The following SRGAP1 variants were observed in gnomAD, a reference collection of about 807,000 sequenced individuals.
SRGAP1 encodes the protein SLIT-ROBO Rho GTPase activating protein 1, also known as SLIT-ROBO Rho GTPase-activating protein 1.
SRGAP1 carries 43 observed loss-of-function variants against 121.9 expected under a neutral mutation model. The observed-to-expected ratio is 0.35, with a 90% confidence interval of 0.28 to 0.46. SRGAP1 has a LOEUF of 0.46. SRGAP1 is among the 20% of genes least tolerant of loss of function. The probability of loss-of-function intolerance (pLI) is 1.00; values close to 1 mark genes in which losing one functional copy is unlikely to be tolerated. For missense variants in SRGAP1, 1,102 were observed against 1,350.9 expected (o/e 0.82, Z 2.89); for synonymous variants, 447 against 485.4 (o/e 0.92, Z 1.04).
intron 1 of SRGAP1, among the ~76,000 whole-genome samples, chr12:63,959,021 C>A (rs1208769971): frequency 1.3e-5 from 2 of 152,058 alleles, no homozygotes; most frequent in Non-Finnish European, 2.9e-5. Context: ...TTCAGTTCAT[C>A]AATTACAGGA....
chr12:63,972,701 A>G (rs1247055238), intron 1 of SRGAP1, among the ~76,000 whole-genome samples: 1 of 152,254 alleles, frequency 6.6e-6, no homozygotes, highest in Non-Finnish European at 1.5e-5. Context: ...CATAATAGCA[A>G]TAGTACAATA....
At position 64,062,916 on chromosome 12, in the gene SRGAP1, G is replaced by A; in HGVS notation, c.802-1G>A. The A allele has an allele frequency of 6.2e-7, 1 of 1,605,284 alleles. No individual in the cohort carries two copies. Among genetic ancestry groups the A allele is most frequent in the Non-Finnish European group, 8.5e-7 (1 of 1,175,502 alleles). On this transcript the variant is annotated splice_acceptor_variant, in intron 6 of 21. Coordinates refer to ENST00000355086, the MANE Select transcript of SRGAP1 (RefSeq NM_020762.4). LOFTEE classifies it high-confidence loss of function. ...TATGTGGTGTTCTTTTACTTTTTAA[G>A]TGCTGTGATCTTGGCTACCATGCAA...
At chr12:64,062,631 C>T (rs973233280) in intron 6 of SRGAP1, among the ~76,000 whole-genome samples, 3 of 152,112 alleles carry the variant, frequency 2.0e-5, no homozygotes, top group African/African-American at 7.2e-5. Flanking sequence ...ATTCTTGTGG[C>T]TCAGCCTCCT....
At chr12:64,037,620 T>A (rs553773701) in intron 4 of SRGAP1, among the ~76,000 whole-genome samples, 3 of 152,354 alleles carry the variant, frequency 2.0e-5, no homozygotes, top group Admixed American at 2.0e-4. Flanking sequence ...AACCATCTAC[T>A]TTCCAAGTTC....
intron 4 of SRGAP1, among the ~76,000 whole-genome samples, chr12:64,030,069 A>G (rs1290403221): frequency 6.6e-6 from 1 of 152,210 alleles, no homozygotes; most frequent in Non-Finnish European, 1.5e-5. Context: ...AATAGCATTT[A>G]TTTCATGTCG....
chr12:64,150,056 A>G lies in SRGAP1; in HGVS notation c.*7384A>G, dbSNP rs2037100752. ...AAATAGAAAACTTGCCTTCTATAATAAAAACAAAATAGTTTTTCTATCAAG... is the reference window on the plus strand; with the variant it reads ...AAATAGAAAACTTGCCTTCTATAATGAAAACAAAATAGTTTTTCTATCAAG... On this transcript the variant is annotated 3_prime_UTR_variant, in exon 22 of 22. Coordinates refer to ENST00000355086, the MANE Select transcript of SRGAP1 (RefSeq NM_020762.4). The G allele has an allele frequency of 6.6e-6, 1 of 152,170 alleles. No homozygotes were observed. Among genetic ancestry groups the G allele is most frequent in the Admixed American group, 6.5e-5 (1 of 15,280 alleles). The allele number at this position is 152,170 out of a possible 1,614,324, so 9.4% of individuals were successfully genotyped here. A position where few individuals can be genotyped will look rare whatever the true frequency, so the allele number is the denominator to read the frequency against.
chr12:64,125,860 C>A, intron 18 of SRGAP1, 117 bp from the exon 19 acceptor site: 1 of 955,004 alleles, frequency 1.0e-6, no homozygotes, highest in Non-Finnish European at 1.5e-6. Context: ...TGACTCTGTT[C>A]AGTCTAGATA....
Position 64,159,958 on chromosome 12 carries a change from G to T in SRGAP1, c.*17286G>T, listed in dbSNP as rs1385520071. 6.6e-6 allele frequency: 1 copy of T among 152,006 alleles called. No homozygotes were observed. The highest frequency in any genetic ancestry group is 1.5e-5 in the Non-Finnish European group (1 of 67,996). 9.4% of individuals were successfully genotyped at this position (152,006 alleles called of 1,614,324 possible). A position where few individuals can be genotyped will look rare whatever the true frequency, so the allele number is the denominator to read the frequency against. On this transcript the variant is annotated 3_prime_UTR_variant, in exon 22 of 22. Coordinates refer to ENST00000355086, the MANE Select transcript of SRGAP1 (RefSeq NM_020762.4). ...TTTCCTTTCTTTTTTCTTTTCCCTG[G>T]AGTTCATAATTACCTTTGTTTCATT... is the stretch of plus-strand genomic sequence containing the variant.
intron 1 of SRGAP1, among the ~76,000 whole-genome samples, chr12:63,978,569 GTGTGGCTATATCACAT>G (rs1304015583): frequency 6.6e-6 from 1 of 152,160 alleles, no homozygotes; most frequent in Non-Finnish European, 1.5e-5. Context: ...GTATTGTGTT[GTGTGGCTATATCACAT>G]TTTATCTCTT....
chr12:64,087,072 T>G, intron 11 of SRGAP1, 46 bp downstream of exon 11: 1 of 1,429,878 alleles, frequency 7.0e-7, no homozygotes, highest in Non-Finnish European at 9.7e-7. Context: ...TTACTTTCTC[T>G]TTAACAAGAA....
chr12:63,849,098 T>C (rs1363672519), intron 1 of SRGAP1, among the ~76,000 whole-genome samples: 2 of 152,230 alleles, frequency 1.3e-5, no homozygotes, highest in African/African-American at 2.4e-5. Context: ...CTTGGTCAAA[T>C]TCTCAAAGAC....
intron 8 of SRGAP1, among the ~76,000 whole-genome samples, chr12:64,073,228 G>C (rs2035674377): frequency 6.6e-6 from 1 of 152,052 alleles, no homozygotes; most frequent in African/African-American, 2.4e-5. Context: ...CTTTATTCCT[G>C]ATACTTCCAA....
chr12:63,945,351 G>T (rs2032010731), intron 1 of SRGAP1, among the ~76,000 whole-genome samples: 1 of 151,598 alleles, frequency 6.6e-6, no homozygotes, highest in Non-Finnish European at 1.5e-5. Context: ...ATGCCATAAT[G>T]GTTTGCTGCA....
At chr12:63,954,595 G>A (rs1177544408) in intron 1 of SRGAP1, among the ~76,000 whole-genome samples, 1 of 151,076 alleles carries the variant, frequency 6.6e-6, no homozygotes, top group Non-Finnish European at 1.5e-5. Flanking sequence ...GGAGAATGGC[G>A]TGAACCCGGG....
intron 19 of SRGAP1, among the ~76,000 whole-genome samples, chr12:64,126,427 T>C (rs945130193): frequency 6.6e-6 from 1 of 152,236 alleles, no homozygotes; most frequent in African/African-American, 2.4e-5. Context: ...TGTTAAGAGC[T>C]GAAGTGACAT....
At chr12:64,056,615 C>G (rs1162788) in intron 6 of SRGAP1, among the ~76,000 whole-genome samples, 2 of 151,354 alleles carry the variant, frequency 1.3e-5, no homozygotes. Flanking sequence ...TTCCTATTTC[C>G]TATTCTCCAA....
chr12:63,917,107 C>T (rs563921114), intron 1 of SRGAP1, among the ~76,000 whole-genome samples: 1 of 152,170 alleles, frequency 6.6e-6, no homozygotes, highest in South Asian at 2.1e-4. Flanking sequence ...TTATATCTAC[C>T]CCATGGGATA....
chr12:64,103,765 C>G (rs1431543068), intron 15 of SRGAP1, among the ~76,000 whole-genome samples: 1 of 152,148 alleles, frequency 6.6e-6, no homozygotes, highest in Admixed American at 6.5e-5. Context: ...TATGATAATT[C>G]AGCAGAATAG....
At chr12:63,938,285 C>T (rs2031738527) in intron 1 of SRGAP1, among the ~76,000 whole-genome samples, 1 of 152,172 alleles carries the variant, frequency 6.6e-6, no homozygotes, top group Non-Finnish European at 1.5e-5. Flanking sequence ...TTCACCTCTC[C>T]TTGAGTCCCA....
Sources: allele counts gnomAD v4.1 joint callset (sites outside exome capture counted in the v4.1 genomes callset), GRCh38; gene constraint gnomAD v4.1.1; transcripts MANE v1.5; gene names NCBI Gene and HGNC (gene_info 2026-07-23, HGNC 2026-07-21).